Variants in JARID2 observed in about 807,000 individuals in gnomAD.
JARID2 encodes protein Jumonji.
A neutral mutation model predicts 125.6 loss-of-function variants in JARID2; 21 were observed. That is an observed-to-expected ratio of 0.17 (90% confidence interval 0.12 to 0.24). The LOEUF (loss-of-function observed/expected upper bound fraction) is 0.24, where lower values mean the gene tolerates loss of function less well. JARID2 is among the 10% of genes least tolerant of loss of function. The pLI, the probability that JARID2 is intolerant of heterozygous loss-of-function variation, is 1.00. For synonymous variants in JARID2, 736 were observed against 661.6 expected (o/e 1.11, Z -1.73); for missense variants, 1,303 against 1,639.6 (o/e 0.79, Z 3.55).
rs144934005 is a variant in JARID2, at chr6:15,499,421, C to T, written c.1946-1486C>T. 2.6e-3 allele frequency among the ~76,000 whole-genome samples: 394 copies of T among 152,238 alleles called. 7 individuals are homozygous for T. Among genetic ancestry groups the T allele is most frequent in the African/African-American group, 8.6e-3 (359 of 41,526 alleles). On this transcript the variant is annotated intron_variant, in intron 7 of 17. Coordinates refer to ENST00000341776, the MANE Select transcript of JARID2 (RefSeq NM_004973.4). ...GGATTCCATGAAGAATTCTTGCAAG[C>T]GCTGTGTGATTTTCAGGTGCTCTTG...
intron 1 of JARID2, among the ~76,000 whole-genome samples, chr6:15,313,406 T>C (rs2127430297): frequency 6.6e-6 from 1 of 152,202 alleles, no homozygotes; most frequent in African/African-American, 2.4e-5. Context: ...ATATCCCAGC[T>C]CCCCAAGCCC....
chr6:15,430,247 T>G (rs771795815), intron 3 of JARID2, among the ~76,000 whole-genome samples: 2 of 152,258 alleles, frequency 1.3e-5, no homozygotes, highest in Non-Finnish European at 2.9e-5. Flanking sequence ...TGCTTCTTTA[T>G]CTTCCTGGAG....
chr6:15,478,895 G>GC (rs1769479276), intron 5 of JARID2, among the ~76,000 whole-genome samples: 3 of 152,098 alleles, frequency 2.0e-5, no homozygotes, highest in Non-Finnish European at 4.4e-5. Flanking sequence ...GCTCTCCCGA[G>GC]CTCAGGTGAT....
At chr6:15,380,410 C>CT (rs1318616540) in intron 2 of JARID2, among the ~76,000 whole-genome samples, 9 of 152,100 alleles carry the variant, frequency 5.9e-5, no homozygotes, top group African/African-American at 1.7e-4. Context: ...TGTTTCTGGG[C>CT]TTTATTTATG....
intron 5 of JARID2, among the ~76,000 whole-genome samples, chr6:15,485,025 C>T (rs2127712983): frequency 6.6e-6 from 1 of 152,304 alleles, no homozygotes; most frequent in South Asian, 2.1e-4. Context: ...AAAGCTAGCA[C>T]AGATACTGCC....
At chr6:15,464,982 A>G (rs958338672) in intron 4 of JARID2, among the ~76,000 whole-genome samples, 1 of 152,194 alleles carries the variant, frequency 6.6e-6, no homozygotes. Context: ...TTTGAGAGCA[A>G]GTTCCTCAGA....
chr6:15,376,855 G>A (rs746979211), intron 2 of JARID2, among the ~76,000 whole-genome samples: 2 of 152,246 alleles, frequency 1.3e-5, no homozygotes, highest in Admixed American at 6.5e-5. Context: ...AGGTGTTTTC[G>A]GAGCATGATC....
chr6:15,480,360 A>C (rs1327288949), intron 5 of JARID2, among the ~76,000 whole-genome samples: 1 of 152,128 alleles, frequency 6.6e-6, no homozygotes, highest in Non-Finnish European at 1.5e-5. Flanking sequence ...GTATTATTTC[A>C]GGTCATACAC....
rs542329854 is a variant in JARID2 at position 15,489,280 on chromosome 6, T to G, written c.906+1738T>G. Among the ~76,000 whole-genome samples, 11 of 152,352 alleles carry G rather than the reference T, an allele frequency of 7.2e-5. No individual in the cohort carries two copies. In the East Asian group the frequency reaches 1.9e-3, roughly 27 times the overall value. On this transcript the variant is annotated intron_variant, in intron 6 of 17. Coordinates refer to ENST00000341776, the MANE Select transcript of JARID2 (RefSeq NM_004973.4). ...AAATTCTCATGGGCCACATCAGAAC[T>G]GGAGGCCATATCCAGGTGAGCTTCC...
rs1770432336 is a variant in JARID2, at chr6:15,496,478, G to A, written c.1253G>A (p.Cys418Tyr). The A allele has an allele frequency of 6.2e-7, 1 of 1,612,232 alleles. No homozygotes were observed. Among genetic ancestry groups the A allele is most frequent in the Non-Finnish European group, 8.5e-7 (1 of 1,179,152 alleles). Residue 418 changes from cysteine to tyrosine, a missense_variant, in exon 7 of 18, where the codon TGC becomes TAC. Around this residue, in one of 11 missense-constraint regions of JARID2, gnomAD observed 651 missense variants for 581.6 expected, o/e 1.12. Transcript: ENST00000341776. ...AGTGGCAGGTTGAACCCAAAGTCAT[G>A]CACTAAGGAGGTGGGGGGGCGGCAG... is the stretch of plus-strand genomic sequence containing the variant. ...KVSGRLNPKSCTKEVGGRQLR... is the reference protein window; with the variant it reads ...KVSGRLNPKSYTKEVGGRQLR...
chr6:15,517,530 C>T (rs374379507), intron 17 of JARID2, among the ~76,000 whole-genome samples: 8 of 152,336 alleles, frequency 5.3e-5, no homozygotes, highest in South Asian at 2.1e-4. Context: ...GCCGCCCCCC[C>T]GGCTTTCCCA....
chr6:15,375,015 G>T (rs1327165779), intron 2 of JARID2, among the ~76,000 whole-genome samples: 9 of 152,230 alleles, frequency 5.9e-5, no homozygotes, highest in Non-Finnish European at 1.3e-4. Flanking sequence ...ATGAGAAAGA[G>T]CAGGTTCTGT....
intron 1 of JARID2, among the ~76,000 whole-genome samples, chr6:15,306,924 T>G (rs1368113602): frequency 1.3e-5 from 2 of 148,208 alleles, no homozygotes; most frequent in Non-Finnish European, 3.0e-5. Flanking sequence ...TATATTAATG[T>G]ATATTATATA....
chr6:15,310,101 T>TGGGCTG (rs942697641), intron 1 of JARID2, among the ~76,000 whole-genome samples: 3 of 152,186 alleles, frequency 2.0e-5, no homozygotes, highest in Non-Finnish European at 4.4e-5. Flanking sequence ...GTTGGCTGGA[T>TGGGCTG]GGGCTGGGGC....
chr6:15,257,878 T>A (rs1759727597), intron 1 of JARID2, among the ~76,000 whole-genome samples: 2 of 152,224 alleles, frequency 1.3e-5, no homozygotes, highest in South Asian at 4.1e-4. Flanking sequence ...CTAAATGAGA[T>A]AAGATATGTG....
chr6:15,495,865 G>T (rs866097154), intron 6 of JARID2, among the ~76,000 whole-genome samples: 16 of 152,188 alleles, frequency 1.1e-4, no homozygotes, highest in Admixed American at 9.8e-4. Flanking sequence ...AGGAAACCCC[G>T]CTAGGAAGCG....
chr6:15,278,221 G>T (rs892540717), intron 1 of JARID2, among the ~76,000 whole-genome samples: 4 of 151,978 alleles, frequency 2.6e-5, no homozygotes, highest in African/African-American at 9.7e-5. Context: ...AACAGAGTGA[G>T]ACCCTGTCTC....
chr6:15,428,343 A>C (rs1156425624), intron 3 of JARID2, among the ~76,000 whole-genome samples: 1 of 152,226 alleles, frequency 6.6e-6, no homozygotes. Context: ...TAATGTATAC[A>C]TGTGCCATGT....
At chr6:15,326,103 A>T (rs1762524834) in intron 1 of JARID2, among the ~76,000 whole-genome samples, 1 of 152,192 alleles carries the variant, frequency 6.6e-6, no homozygotes, top group African/African-American at 2.4e-5. Flanking sequence ...AGCTTTTTTG[A>T]GTCCTGAAAA....
Sources: allele counts gnomAD v4.1 joint callset (sites outside exome capture counted in the v4.1 genomes callset), GRCh38; gene constraint gnomAD v4.1.1; regional missense constraint gnomAD v4.1.1; transcripts MANE v1.5; gene names NCBI Gene and HGNC (gene_info 2026-07-23, HGNC 2026-07-21).